BAD: variants seen among roughly 807,000 people sequenced by gnomAD.
BAD encodes the protein BCL2 associated agonist of cell death, also known as bcl2-associated agonist of cell death.
Under a neutral mutation model 17.8 loss-of-function variants are expected in BAD, and 18 were observed. The ratio of observed to expected loss-of-function variants is 1.01; its 90% CI spans 0.70 to 1.50. The LOEUF (loss-of-function observed/expected upper bound fraction) is 1.50, where lower values mean the gene tolerates loss of function less well. BAD is among the 40% of genes most tolerant of loss of function. The probability of loss-of-function intolerance (pLI) is 0.00; values close to 1 mark genes in which losing one functional copy is unlikely to be tolerated. For synonymous variants in BAD, 112 were observed against 91.5 expected, an observed-to-expected ratio of 1.22 and a Z score of -1.28; for missense variants, 294 against 239.3, an observed-to-expected ratio of 1.23 and a Z score of -1.51.
At chr11:64,273,855 C>CAAAAAAA (rs34577596) in intron 2 of BAD, among the ~76,000 whole-genome samples, 9 of 54,816 alleles carry the variant, frequency 1.6e-4, no homozygotes, top group East Asian at 6.7e-4. Context: ...GCACCCATCT[C>CAAAAAAA]AAAAAAAAAA....
At chr11:64,272,008 C>A in intron 2 of BAD, 2 of 410,202 alleles carry the variant, frequency 4.9e-6, no homozygotes, top group Admixed American at 8.7e-5. Context: ...AGGTTAACTT[C>A]TCATTAATCC....
At chr11:64,271,088 C>CACG (rs1565344268) in intron 3 of BAD, among the ~76,000 whole-genome samples, 2 of 1,652 alleles carry the variant, frequency 1.2e-3, no homozygotes, top group African/African-American at 1.8e-3. Flanking sequence ...CACACACACA[C>CACG]CTGGAGTGGG....
At chr11:64,284,489 C>G (rs1354927239) in intron 1 of BAD, 113 bp from the exon 2 acceptor site, 1 of 1,585,504 alleles carries the variant, frequency 6.3e-7, no homozygotes, top group East Asian at 2.2e-5. Context: ...CCCAGGCCCG[C>G]CAGGCCTCCT....
rs775520103 is a variant in BAD, at chr11:64,271,834, G to C, written c.188-31C>G. On this transcript the variant is annotated intron_variant, in intron 2 of 3. Coordinates refer to ENST00000309032, the MANE Select transcript of BAD (RefSeq NM_032989.3). ...GAGGGTCAGTGGGTAGGGGGGCGAC[G>C]TTAATCTCAGCTCCTCTAAGCCCCT... The C allele has an allele frequency of 8.1e-6, 11 of 1,357,048 alleles. No individual in the cohort carries two copies. The East Asian group carries it at 2.9e-4, about 36-fold the overall frequency. 84.1% of individuals were successfully genotyped at this position (1,357,048 alleles called of 1,614,324 possible). A position where few individuals can be genotyped will look rare whatever the true frequency, so the allele number is the denominator to read the frequency against.
chr11:64,282,977 C>T (rs551695912), intron 2 of BAD, among the ~76,000 whole-genome samples: 1 of 149,730 alleles, frequency 6.7e-6, no homozygotes, highest in African/African-American at 2.6e-5. Flanking sequence ...TCACTTAAGC[C>T]CAGAAGTTCC....
chr11:64,271,737 C>T lies in BAD; in HGVS notation c.254G>A (p.Gly85Glu). The T allele has an allele frequency of 6.9e-7, 1 of 1,447,124 alleles. No individual in the cohort carries two copies. Among genetic ancestry groups the T allele is most frequent in the Non-Finnish European group, 9.1e-7 (1 of 1,100,134 alleles). The allele number at this position is 1,447,124 out of a possible 1,614,324, so 89.6% of individuals were successfully genotyped here. A position where few individuals can be genotyped will look rare whatever the true frequency, so the allele number is the denominator to read the frequency against. ...AAAGGGGCTGGGCTCCTCCCCCATCCCTTCGTCGTCCTCCGTCCCCGCGGG... is the reference window on the plus strand; with the variant it reads ...AAAGGGGCTGGGCTCCTCCCCCATCTCTTCGTCGTCCTCCGTCCCCGCGGG... ...SYPAGTEDDE[G>E]MGEEPSPFRG... The change falls in exon 3 of 4, where the codon GGG (glycine) becomes GAG (glutamate). Residue 85 changes from glycine (G) to glutamate (E), a missense_variant. Gly to Glu is a moderately conservative substitution (Grantham distance 98). Coordinates refer to ENST00000309032, the MANE Select transcript of BAD (RefSeq NM_032989.3).
chr11:64,275,075 CA>C (rs1259465650), intron 2 of BAD, among the ~76,000 whole-genome samples: 1 of 147,492 alleles, frequency 6.8e-6, no homozygotes, highest in African/African-American at 2.5e-5. Flanking sequence ...AGGCTGTGAT[CA>C]GAGTGCCTGG....
At chr11:64,283,873 G>A (rs967872562) in intron 2 of BAD, among the ~76,000 whole-genome samples, 1 of 152,162 alleles carries the variant, frequency 6.6e-6, no homozygotes, top group Non-Finnish European at 1.5e-5. Flanking sequence ...GGGCTCAAGC[G>A]ATCCTCCTGC....
chr11:64,284,201 G>A lies in BAD; in HGVS notation c.168C>T (p.Thr56=), dbSNP rs147750998. 4.9e-5 allele frequency: 78 copies of A among 1,601,560 alleles called. No homozygotes were observed. The African/African-American group carries it at 9.8e-4, about 20-fold the overall frequency. ...ACTTACCTCCATGATGGCTGCTGCTGGTTGGCTGCTCCTGCTGGTGACTGG... is the reference window on the plus strand; with the variant it reads ...ACTTACCTCCATGATGGCTGCTGCTAGTTGGCTGCTCCTGCTGGTGACTGG... ...WDASHQQEQP[T]SSSHHGGAGA... Residue 56 remains threonine (T), a synonymous_variant, in exon 2 of 4, where the codon ACC becomes ACT. Transcript: ENST00000309032.
chr11:64,282,881 GAA>G (rs541902877), intron 2 of BAD, among the ~76,000 whole-genome samples: 6 of 88,040 alleles, frequency 6.8e-5, no homozygotes, highest in Middle Eastern at 5.9e-3. Flanking sequence ...TCCGTCTCAG[GAA>G]AAAAAAAAAA....
chr11:64,284,418 C>A (rs372868356), intron 1 of BAD, 42 bp from the exon 2 acceptor site: 110 of 1,608,756 alleles, frequency 6.8e-5, no homozygotes, highest in Admixed American at 1.7e-5. Flanking sequence ...ACAGCTGGGG[C>A]CAACGGTGGC....
chr11:64,275,263 G>A (rs1392335068), intron 2 of BAD, among the ~76,000 whole-genome samples: 2 of 152,050 alleles, frequency 1.3e-5, no homozygotes, highest in African/African-American at 2.4e-5. Flanking sequence ...GGAGGCTGAA[G>A]GATTTCGGAT....
intron 3 of BAD, among the ~76,000 whole-genome samples, chr11:64,271,368 C>G (rs563745438): frequency 1.3e-4 from 14 of 111,316 alleles, no homozygotes; most frequent in African/African-American, 4.1e-4. Flanking sequence ...CAGATCCCAG[C>G]ATGCCCTGTG....
Position 64,271,965 on chromosome 11 carries a change from G to A in BAD, c.188-162C>T, listed in dbSNP as rs78327566. 5.2e-3 allele frequency: 2,492 copies of A among 475,122 alleles called. 52 individuals are homozygous for A. The highest frequency in any genetic ancestry group is 0.045 in the African/African-American group (2,258 of 50,006). The allele number at this position is 475,122 out of a possible 1,614,324, so 29.4% of individuals were successfully genotyped here. A position where few individuals can be genotyped will look rare whatever the true frequency, so the allele number is the denominator to read the frequency against. Reference sequence around the variant, plus strand: ...AGCCCCAGTCCCTTGTATGTGAATCGAGGGGAAGCTCAGGGGCCTTTGGTG... The same window carrying A: ...AGCCCCAGTCCCTTGTATGTGAATCAAGGGGAAGCTCAGGGGCCTTTGGTG... On this transcript the variant is annotated intron_variant, in intron 2 of 3. Transcript: ENST00000309032.
At chr11:64,281,846 G>C (rs189599552) in intron 2 of BAD, among the ~76,000 whole-genome samples, 34 of 152,254 alleles carry the variant, frequency 2.2e-4, no homozygotes, top group African/African-American at 5.8e-4. Context: ...TCAGCCTCCC[G>C]AGTAGCTGGG....
chr11:64,275,957 C>T (rs2033025983), intron 2 of BAD, among the ~76,000 whole-genome samples: 1 of 152,022 alleles, frequency 6.6e-6, no homozygotes. Context: ...AGGCAGAGAG[C>T]ATAGGTAACT....
At position 64,271,730 on chromosome 11, in the gene BAD, C is replaced by T. The variant is rs1166362883; in HGVS notation, c.261G>A (p.Gly87=). 1 of 1,448,782 alleles carries T rather than the reference C, an allele frequency of 6.9e-7. No homozygotes were observed. The highest frequency in any genetic ancestry group is 1.4e-5 in the South Asian group (1 of 69,294). 89.7% of individuals were successfully genotyped at this position (1,448,782 alleles called of 1,614,324 possible). Residue 87 remains glycine, a synonymous_variant, in exon 3 of 4, where the codon GGG becomes GGA. Coordinates refer to ENST00000309032, the MANE Select transcript of BAD (RefSeq NM_032989.3). The part of the protein sequence containing the change: ...PAGTEDDEGM[G]EEPSPFRGRS... ...GGCCCCGAAAGGGGCTGGGCTCCTC[C>T]CCCATCCCTTCGTCGTCCTCCGTCC...
rs1255478078 is a variant in BAD at position 64,279,549 on chromosome 11, G to A, written c.187+4633C>T. Among the ~76,000 whole-genome samples the A allele has an allele frequency of 7.3e-5, 11 of 150,778 alleles. No individual in the cohort carries two copies. In the East Asian group the frequency reaches 2.2e-3, roughly 30 times the overall value. The stretch of plus-strand genomic sequence containing the variant: ...TGGGAGGCTGAGGCGGGTGGATCAC[G>A]AGGTCAGGAATTCGAGACCAGCCTG... On this transcript the variant is annotated intron_variant, in intron 2 of 3. Coordinates refer to ENST00000309032, the MANE Select transcript of BAD (RefSeq NM_032989.3).
chr11:64,269,980 C>A lies in BAD; in HGVS notation c.*229G>T. ...GAAAGCCCGGAGCCTGAGGGCGGGG[C>A]CACGGAGCCACTTCCGGCGGCTGTG... On this transcript the variant is annotated 3_prime_UTR_variant, in exon 4 of 4. Coordinates refer to ENST00000309032, the MANE Select transcript of BAD (RefSeq NM_032989.3). The A allele has an allele frequency of 1.2e-6, 1 of 803,254 alleles. No individual in the cohort carries two copies. 49.8% of individuals were successfully genotyped at this position (803,254 alleles called of 1,614,324 possible).
Sources: gnomAD v4.1 joint callset for allele counts (sites outside exome capture counted in the v4.1 genomes callset) on GRCh38, gnomAD v4.1.1 for gene constraint, MANE v1.5 for transcripts, NCBI Gene and HGNC (gene_info 2026-07-23, HGNC 2026-07-21) for gene names.